The following SLC29A4 variants were observed in gnomAD, a reference collection of about 807,000 sequenced individuals.
SLC29A4 encodes the protein solute carrier family 29 member 4, also known as equilibrative nucleoside transporter 4.
A neutral mutation model predicts 43.9 loss-of-function variants in SLC29A4; 36 were observed. The observed-to-expected ratio is 0.82, with a 90% CI of 0.63 to 1.08. SLC29A4 has a LOEUF of 1.08. SLC29A4 is among the 50% of genes least tolerant of loss of function. The pLI, the probability that SLC29A4 is intolerant of heterozygous loss-of-function variation, is 0.00. For synonymous variants in SLC29A4, 491 were observed against 338.0 expected (o/e 1.45, Z -4.97); for missense variants, 869 against 755.3 (o/e 1.15, Z -1.77).
At chr7:5,296,024 C>A (rs1446047523) in intron 6 of SLC29A4, among the ~76,000 whole-genome samples, 1 of 152,022 alleles carries the variant, frequency 6.6e-6, no homozygotes, top group East Asian at 1.9e-4. Flanking sequence ...CCACAGCCTG[C>A]CCACCCCAAG....
At chr7:5,290,071 T>TTTG (rs34448810) in intron 2 of SLC29A4, among the ~76,000 whole-genome samples, 4 of 148,624 alleles carry the variant, frequency 2.7e-5, no homozygotes, top group African/African-American at 2.5e-5. Flanking sequence ...TTTTTTTTTT[T>TTTG]GAGACGGAGT....
intron 2 of SLC29A4, among the ~76,000 whole-genome samples, chr7:5,289,471 C>G (rs1785169835): frequency 6.6e-6 from 1 of 152,126 alleles, no homozygotes; most frequent in Non-Finnish European, 1.5e-5. Flanking sequence ...AGGTCATGGA[C>G]AGTCTGGAAC....
chr7:5,297,457 G>GC (rs1315123168), intron 7 of SLC29A4, among the ~76,000 whole-genome samples: 1 of 152,210 alleles, frequency 6.6e-6, no homozygotes, highest in African/African-American at 2.4e-5. Context: ...CAGCTGCTGT[G>GC]CCCCACGGCG....
At chr7:5,296,762 T>G in intron 6 of SLC29A4, among the ~76,000 whole-genome samples, 174 bp from the exon 7 acceptor site, 1 of 114,828 alleles carries the variant, frequency 8.7e-6, no homozygotes, top group Non-Finnish European at 1.7e-5. Context: ...GGGCGGGGCC[T>G]GTGGGTGGGG....
intron 5 of SLC29A4, among the ~76,000 whole-genome samples, chr7:5,293,802 G>A (rs1398791288): frequency 6.6e-6 from 1 of 152,082 alleles, no homozygotes; most frequent in Non-Finnish European, 1.5e-5. Context: ...ACTGCACCCA[G>A]CTAATTTTTA....
chr7:5,300,397 C>T (rs373068770), intron 9 of SLC29A4, 25 bp from the exon 10 acceptor site: 57 of 1,609,902 alleles, frequency 3.5e-5, no homozygotes, highest in Admixed American at 8.3e-5. Flanking sequence ...CGGGACAGGG[C>T]GCCCACTTGC....
chr7:5,285,531 C>T (rs1264727294), intron 1 of SLC29A4, among the ~76,000 whole-genome samples: 4 of 152,190 alleles, frequency 2.6e-5, no homozygotes, highest in African/African-American at 9.7e-5. Flanking sequence ...CCCTTTTAGG[C>T]CCCAGTTAAA....
chr7:5,297,149 G>A lies in SLC29A4; in HGVS notation c.833G>A (p.Gly278Asp), dbSNP rs913678790. 3.1e-6 allele frequency: 5 copies of A among 1,601,604 alleles called. No homozygotes were observed. Among genetic ancestry groups the A allele is most frequent in the Non-Finnish European group, 2.5e-6 (3 of 1,178,070 alleles). ...CGGGGCAGGCCAGGCCTGGGCAGGG[G>A]CTATGGCTACCGCGTGCACCACGAC... is the stretch of plus-strand genomic sequence containing the variant. ...SHRGRPGLGR[G>D]YGYRVHHDVV... is the part of the protein sequence containing the mutation. The change falls in exon 7 of 11, where the codon GGC becomes GAC. Residue 278 changes from glycine to aspartate, a missense_variant. Physicochemically the swap from Gly to Asp is moderately conservative, Grantham distance 94 (BLOSUM62 -1). Coordinates refer to ENST00000396872, the MANE Select transcript of SLC29A4 (RefSeq NM_153247.4).
intron 2 of SLC29A4, among the ~76,000 whole-genome samples, chr7:5,290,007 T>A (rs920477411): frequency 6.6e-6 from 1 of 151,416 alleles, no homozygotes; most frequent in Non-Finnish European, 1.5e-5. Flanking sequence ...TGCCTCAGCC[T>A]CCTGAGTAGC....
At position 5,306,622 on chromosome 7, in the gene SLC29A4, C is replaced by G. The variant is rs1196413202; in HGVS notation, c.*3683C>G. 2 of 152,228 alleles carry G rather than the reference C, an allele frequency of 1.3e-5. No individual in the cohort carries two copies. Among genetic ancestry groups the G allele is most frequent in the East Asian group, 1.9e-4 (1 of 5,190 alleles). 9.4% of individuals were successfully genotyped at this position (152,228 alleles called of 1,614,324 possible). ...GTGCTGGCATTACAGGCGTGAGCCA[C>G]TGTGCCCAGCCGATGAGCTCATTTA... On this transcript the variant is annotated 3_prime_UTR_variant, in exon 11 of 11. Transcript: ENST00000396872.
intron 1 of SLC29A4, among the ~76,000 whole-genome samples, chr7:5,283,795 C>T (rs534289048): frequency 3.5e-3 from 539 of 152,294 alleles, no homozygotes; most frequent in Non-Finnish European, 5.2e-3. Context: ...ATCAACTAAC[C>T]AGGGCTGGTG....
In SLC29A4 at chr7:5,286,304, C is replaced by A. The variant is rs1356238701; in HGVS notation, c.-8-1505C>A. Among the ~76,000 whole-genome samples, 6 of 152,028 alleles carry A rather than the reference C, an allele frequency of 3.9e-5. No homozygotes were observed. The South Asian group carries it at 6.2e-4, about 16-fold the overall frequency. ...CTTTGGGAGGCCGAGGCGGGCAGAT[C>A]ACAAGGTCAAGAGGTCGAGACCATC... On this transcript the variant is annotated intron_variant, in intron 1 of 10. Coordinates refer to ENST00000396872, the MANE Select transcript of SLC29A4 (RefSeq NM_153247.4).
Position 5,303,290 on chromosome 7 carries a change from C to G in SLC29A4, c.*351C>G. 2.8e-6 allele frequency: 1 copy of G among 360,510 alleles called. No homozygotes were observed. Among genetic ancestry groups the G allele is most frequent in the East Asian group, 7.0e-5 (1 of 14,226 alleles). The allele number at this position is 360,510 out of a possible 1,614,324, so 22.3% of individuals were successfully genotyped here. Reference sequence around the variant, plus strand: ...GTCCCCACCCAGGACAGCAGACACCCGCCAGAGTGTGCGCGCCCAGTGACT... The same window carrying G: ...GTCCCCACCCAGGACAGCAGACACCGGCCAGAGTGTGCGCGCCCAGTGACT... On this transcript the variant is annotated 3_prime_UTR_variant, in exon 11 of 11. Coordinates refer to ENST00000396872, the MANE Select transcript of SLC29A4 (RefSeq NM_153247.4).
rs1251682254 is a variant in SLC29A4, at chr7:5,288,101, C to G, written c.169+116C>G. Reference sequence around the variant, plus strand: ...ATGGGTGGTCATGGAGGACTGGAGGCAGTGCCTGTCAGTGTGGATTAGATC... The same window carrying G: ...ATGGGTGGTCATGGAGGACTGGAGGGAGTGCCTGTCAGTGTGGATTAGATC... On this transcript the variant is annotated intron_variant, in intron 2 of 10. Transcript: ENST00000396872. 3 of 1,279,496 alleles carry G rather than the reference C, an allele frequency of 2.3e-6. No homozygotes were observed. The African/African-American group carries it at 4.5e-5, about 19-fold the overall frequency. 79.3% of individuals were successfully genotyped at this position (1,279,496 alleles called of 1,614,324 possible). A position where few individuals can be genotyped will look rare whatever the true frequency, so the allele number is the denominator to read the frequency against.
At chr7:5,293,859 C>T (rs1785471469) in intron 5 of SLC29A4, among the ~76,000 whole-genome samples, 1 of 152,144 alleles carries the variant, frequency 6.6e-6, no homozygotes, top group African/African-American at 2.4e-5. Flanking sequence ...GTAATCCCAG[C>T]ATTTTGGGAG....
chr7:5,299,573 C>A, intron 9 of SLC29A4, 146 bp downstream of exon 9: 2 of 939,620 alleles, frequency 2.1e-6, no homozygotes, highest in Non-Finnish European at 3.1e-6. Flanking sequence ...TGGCGCCATC[C>A]TGGACAGTGT....
chr7:5,301,116 T>C (rs1050284482), intron 10 of SLC29A4, among the ~76,000 whole-genome samples: 2 of 151,944 alleles, frequency 1.3e-5, no homozygotes, highest in African/African-American at 4.8e-5. Flanking sequence ...TTTAAAAAAT[T>C]AGCTGGGTAT....
intron 6 of SLC29A4, among the ~76,000 whole-genome samples, chr7:5,296,294 C>T (rs749172289): frequency 3.3e-5 from 5 of 151,634 alleles, no homozygotes; most frequent in Non-Finnish European, 7.4e-5. Flanking sequence ...CTCTTCCCAC[C>T]CTGCGCCCGT....
In SLC29A4 at chr7:5,305,412, A is replaced by AC. The variant is rs1786430771; in HGVS notation, c.*2478dup. 1 of 152,010 alleles carries AC rather than the reference A, an allele frequency of 6.6e-6. No individual in the cohort carries two copies. The highest frequency in any genetic ancestry group is 2.1e-4 in the South Asian group (1 of 4,796). The allele number at this position is 152,010 out of a possible 1,614,324, so 9.4% of individuals were successfully genotyped here. On this transcript the variant is annotated 3_prime_UTR_variant, in exon 11 of 11. Transcript: ENST00000396872. ...ACCAGGTCAGTCACTGGGCAGCCAGACCCCCACCTATAGCTTCCCTAGGCC... is the reference window on the plus strand; with the variant it reads ...ACCAGGTCAGTCACTGGGCAGCCAGACCCCCCACCTATAGCTTCCCTAGGCC...
Sources: gnomAD v4.1 joint callset for allele counts (sites outside exome capture counted in the v4.1 genomes callset) on GRCh38, gnomAD v4.1.1 for gene constraint, MANE v1.5 for transcripts, NCBI Gene and HGNC (gene_info 2026-07-23, HGNC 2026-07-21) for gene names.